Variants in RHEX observed in about 807,000 individuals in gnomAD.
RHEX encodes regulator of hemoglobinization and erythroid cell expansion protein.
RHEX carries 18 observed loss-of-function variants against 20.1 expected under a neutral mutation model. The observed-to-expected ratio is 0.90, with a 90% CI of 0.62 to 1.33. RHEX has a LOEUF of 1.33. Ranked by LOEUF, RHEX falls within the 40% of genes most tolerant of loss-of-function variation. The pLI is 0.00. For synonymous variants in RHEX, 87 were observed against 77.1 expected, an observed-to-expected ratio of 1.13 and a Z score of -0.67; for missense variants, 192 against 214.3, an observed-to-expected ratio of 0.90 and a Z score of 0.65.
intron 1 of RHEX, among the ~76,000 whole-genome samples, chr1:206,058,656 A>G (rs570858523): frequency 1.3e-5 from 2 of 152,334 alleles, no homozygotes; most frequent in East Asian, 3.9e-4. Flanking sequence ...GAACATTGTG[A>G]AACTCCCTGC....
chr1:206,070,820 G>T (rs955897487), intron 1 of RHEX, among the ~76,000 whole-genome samples: 1 of 152,148 alleles, frequency 6.6e-6, no homozygotes, highest in Non-Finnish European at 1.5e-5. Context: ...TGTCCTATCA[G>T]CCGTCAGTCT....
intron 1 of RHEX, among the ~76,000 whole-genome samples, chr1:206,078,204 G>A (rs1386624162): frequency 1.3e-5 from 2 of 151,942 alleles, no homozygotes; most frequent in Non-Finnish European, 1.5e-5. Flanking sequence ...AATATTTCTG[G>A]TCATAAGCAT....
At chr1:206,055,756 G>A (rs1292219575) in intron 1 of RHEX, among the ~76,000 whole-genome samples, 3 of 152,262 alleles carry the variant, frequency 2.0e-5, no homozygotes, top group Non-Finnish European at 4.4e-5. Flanking sequence ...GGGGCTACCT[G>A]ACCTGACAAA....
chr1:206,099,617 C>G lies in RHEX; in HGVS notation c.113-38C>G, dbSNP rs782534894. Reference sequence around the variant, plus strand: ...TACAGGCATGAGCTACTGCGCCTGGCCAGTTTCCACTTTTGATCCCTGCCC... The same window carrying G: ...TACAGGCATGAGCTACTGCGCCTGGGCAGTTTCCACTTTTGATCCCTGCCC... On this transcript the variant is annotated intron_variant, in intron 3 of 5. Transcript: ENST00000331555. 6.2e-6 allele frequency: 10 copies of G among 1,605,584 alleles called. No individual in the cohort carries two copies. The South Asian group carries it at 1.0e-4, about 16-fold the overall frequency.
At chr1:206,066,211 T>A (rs1370621039) in intron 1 of RHEX, among the ~76,000 whole-genome samples, 1 of 152,264 alleles carries the variant, frequency 6.6e-6, no homozygotes. Context: ...GTTGCTCTTA[T>A]CTGCGAATCT....
intron 1 of RHEX, among the ~76,000 whole-genome samples, chr1:206,082,517 CAAAA>C (rs71568088): frequency 3.4e-5 from 4 of 116,034 alleles, no homozygotes; most frequent in African/African-American, 1.2e-4. Flanking sequence ...GACTCCGTCT[CAAAA>C]AAAAAAAAAA....
intron 1 of RHEX, among the ~76,000 whole-genome samples, chr1:206,076,945 T>C (rs578058692): frequency 4.8e-4 from 73 of 152,358 alleles, no homozygotes; most frequent in African/African-American, 1.7e-3. Flanking sequence ...TTGAAGTCTG[T>C]CTTGTTCTCT....
chr1:206,075,635 C>G (rs897326187), intron 1 of RHEX, among the ~76,000 whole-genome samples: 9 of 150,338 alleles, frequency 6.0e-5, no homozygotes, highest in African/African-American at 1.5e-4. Context: ...GAGTCTCACT[C>G]TGTTGCCCAG....
In RHEX at chr1:206,083,677, T is replaced by C. The variant is rs1662780008; in HGVS notation, c.-96-14056T>C. Reference sequence around the variant, plus strand: ...TAAGTACTGTCTATGGAGACAGGATTTTAAATTAGTTTGAAGTGTGCATTT... The same window carrying C: ...TAAGTACTGTCTATGGAGACAGGATCTTAAATTAGTTTGAAGTGTGCATTT... On this transcript the variant is annotated intron_variant, in intron 1 of 5. Coordinates refer to ENST00000331555, the MANE Select transcript of RHEX (RefSeq NM_001007544.4). The C allele has an allele frequency of 3.1e-6, 3 of 975,298 alleles. No individual in the cohort carries two copies. The East Asian group carries it at 3.4e-4, about 111-fold the overall frequency. The allele number at this position is 975,298 out of a possible 1,614,324, so 60.4% of individuals were successfully genotyped here. A position where few individuals can be genotyped will look rare whatever the true frequency, so the allele number is the denominator to read the frequency against.
intron 1 of RHEX, among the ~76,000 whole-genome samples, chr1:206,054,023 T>C (rs1189421795): frequency 6.6e-6 from 1 of 151,912 alleles, no homozygotes; most frequent in Non-Finnish European, 1.5e-5. Flanking sequence ...GTTAACAGTG[T>C]AACATGTATT....
intron 3 of RHEX, chr1:206,098,466 G>A (rs1331820457): frequency 7.9e-6 from 3 of 379,434 alleles, no homozygotes; most frequent in Non-Finnish European, 1.5e-5. Flanking sequence ...CAATGCCTAC[G>A]AGGAAGTGCT....
chr1:206,090,309 G>A (rs1039736334), intron 1 of RHEX, among the ~76,000 whole-genome samples: 2 of 148,726 alleles, frequency 1.3e-5, no homozygotes, highest in Admixed American at 6.8e-5. Flanking sequence ...AGGTTCAAGC[G>A]ATTCTCCTGC....
rs1410582712 is a variant in RHEX, at chr1:206,089,181, CT to C, written c.-96-8541del. 4.8e-3 allele frequency among the ~76,000 whole-genome samples: 703 copies of C among 147,288 alleles called. 7 individuals carry two copies. Among genetic ancestry groups the C allele is most frequent in the South Asian group, 0.021 (99 of 4,654 alleles). On this transcript the variant is annotated intron_variant, in intron 1 of 5. Coordinates refer to ENST00000331555, the MANE Select transcript of RHEX (RefSeq NM_001007544.4). ...TCAGCCTCAAAGAGAATTAGTTGTA[CT>C]TTTTTTTTTTCTAAATAGAAAATGG...
chr1:206,075,815 T>A lies in RHEX; in HGVS notation c.-96-21918T>A, dbSNP rs571355760. Among the ~76,000 whole-genome samples the A allele has an allele frequency of 1.2e-4, 18 of 152,196 alleles. No individual in the cohort carries two copies. The South Asian group carries it at 3.7e-3, about 32-fold the overall frequency. On this transcript the variant is annotated intron_variant, in intron 1 of 5. Coordinates refer to ENST00000331555, the MANE Select transcript of RHEX (RefSeq NM_001007544.4). The stretch of plus-strand genomic sequence containing the variant: ...CAGGGTTTCACCATGTTGGCTAGGC[T>A]GGTTTTGAACTCCTGACCTCAAGTG...
intron 1 of RHEX, chr1:206,060,742 C>T (rs1662294281): frequency 6.6e-6 from 1 of 152,194 alleles, no homozygotes; most frequent in Non-Finnish European, 1.5e-5. Flanking sequence ...GCACAGCAGC[C>T]ACAGCCCTTT....
At chr1:206,098,048 T>G in intron 2 of RHEX, 33 bp from the exon 3 acceptor site, 1 of 1,521,376 alleles carries the variant, frequency 6.6e-7, no homozygotes, top group Non-Finnish European at 9.1e-7. Flanking sequence ...ATCCTTGCAA[T>G]CTCTGACTTT....
rs1662455748 is a variant in RHEX at position 206,067,712 on chromosome 1, C to T, written c.-97+14447C>T. Among the ~76,000 whole-genome samples the T allele has an allele frequency of 6.6e-6, 1 of 152,324 alleles. No homozygotes were observed. The highest frequency in any genetic ancestry group is 1.9e-4 in the East Asian group (1 of 5,186). ...CACAACCTCATTCTGCACATACCCC[C>T]TCCAGTACAACCCTAGAAAACTTCC... On this transcript the variant is annotated intron_variant, in intron 1 of 5. Coordinates refer to ENST00000331555, the MANE Select transcript of RHEX (RefSeq NM_001007544.4). This position sits in a 1 kb window ranked among gnomAD's most constrained non-coding sequence, Gnocchi z 4.6.
At chr1:206,093,853 C>T (rs1253835095) in intron 1 of RHEX, among the ~76,000 whole-genome samples, 3 of 151,744 alleles carry the variant, frequency 2.0e-5, no homozygotes, top group South Asian at 2.1e-4. Context: ...TTTTTTTGGT[C>T]GGGGGAGGAG....
intron 1 of RHEX, among the ~76,000 whole-genome samples, chr1:206,060,151 A>G (rs1195146195): frequency 2.6e-5 from 4 of 152,162 alleles, no homozygotes; most frequent in African/African-American, 7.2e-5. Flanking sequence ...TACCAGCCCT[A>G]TGACCCTGAG....
Sources: allele counts gnomAD v4.1 joint callset (sites outside exome capture counted in the v4.1 genomes callset), GRCh38; gene constraint gnomAD v4.1.1; non-coding constraint Gnocchi (gnomAD v3.1); transcripts MANE v1.5; gene names NCBI Gene and HGNC (gene_info 2026-07-23, HGNC 2026-07-21).